Variants in CABLES1 observed in about 807,000 individuals in gnomAD.
CABLES1 encodes the protein CDK5 and ABL1 enzyme substrate 1.
Under a neutral mutation model 57.8 loss-of-function variants are expected in CABLES1, and 36 were observed. The observed-to-expected ratio is 0.62, with a 90% CI of 0.48 to 0.82. The LOEUF (loss-of-function observed/expected upper bound fraction) is 0.82. Among genes scored for constraint, CABLES1 ranks in the 40% least tolerant of loss-of-function variants. The probability of loss-of-function intolerance (pLI) is 0.00; values close to 1 mark genes in which losing one functional copy is unlikely to be tolerated. For missense variants in CABLES1, 767 were observed against 836.6 expected (o/e 0.92, Z 1.03); for synonymous variants, 374 against 363.0 (o/e 1.03, Z -0.35).
intron 4 of CABLES1, among the ~76,000 whole-genome samples, chr18:23,222,542 CTATA>C (rs1568074406): frequency 1.4e-5 from 2 of 147,832 alleles, no homozygotes; most frequent in Non-Finnish European, 1.5e-5. Context: ...GTCTCTCTCT[CTATA>C]TATATCTATA....
intron 1 of CABLES1, among the ~76,000 whole-genome samples, chr18:23,139,079 A>G (rs1269759702): frequency 1.3e-5 from 2 of 152,050 alleles, no homozygotes; most frequent in African/African-American, 2.4e-5. Context: ...GGTTTTATAT[A>G]TTGGGTTTGT....
chr18:23,234,777 GC>G, intron 5 of CABLES1, 73 bp downstream of exon 5: 1 of 1,186,570 alleles, frequency 8.4e-7, no homozygotes, highest in Non-Finnish European at 1.2e-6. Flanking sequence ...GAGGGGGGCA[GC>G]CCACAAGCCT....
At chr18:23,172,174 C>T (rs1297233292) in intron 1 of CABLES1, among the ~76,000 whole-genome samples, 1 of 152,116 alleles carries the variant, frequency 6.6e-6, no homozygotes, top group African/African-American at 2.4e-5. Context: ...TCTGTGACAC[C>T]TAGGACTGAA....
In CABLES1 at chr18:23,218,258, A is replaced by G. The variant is rs187072516; in HGVS notation, c.1088+4204A>G. ...CTCAAGCTTCCCAGCCCTGCCTCCC[A>G]CATCCTCACTTGCCCTGCCTCCCGC... On this transcript the variant is annotated intron_variant, in intron 4 of 9. Transcript: ENST00000256925. 2.9e-3 allele frequency among the ~76,000 whole-genome samples: 400 copies of G among 139,078 alleles called. 1 individual carries two copies. The highest frequency in any genetic ancestry group is 9.3e-3 in the African/African-American group (345 of 37,054). The allele number at this position is 139,078 out of a possible 152,430, so 91.2% of individuals were successfully genotyped here.
intron 3 of CABLES1, among the ~76,000 whole-genome samples, chr18:23,211,210 A>C (rs2047402380): frequency 6.6e-6 from 1 of 152,184 alleles, no homozygotes; most frequent in Admixed American, 6.5e-5. Context: ...AAATACGTCC[A>C]AACAAACTTA....
chr18:23,165,235 A>C (rs1294384038), intron 1 of CABLES1, among the ~76,000 whole-genome samples: 1 of 152,126 alleles, frequency 6.6e-6, no homozygotes, highest in Non-Finnish European at 1.5e-5. Context: ...AGTGCATGCC[A>C]CCACACCCAG....
rs546139417 is a variant in CABLES1, at chr18:23,180,064, G to A, written c.846-8774G>A. ...CTTCTGAGTAGCTGGGACTACAGGC[G>A]CCCGCCACCACGCCCGGCTAATTTT... On this transcript the variant is annotated intron_variant, in intron 1 of 9. Coordinates refer to ENST00000256925, the MANE Select transcript of CABLES1 (RefSeq NM_001100619.3). Among the ~76,000 whole-genome samples the A allele has an allele frequency of 5.7e-4, 86 of 152,034 alleles. 1 individual carries two copies. The East Asian group carries it at 0.013, about 24-fold the overall frequency.
Position 23,136,051 on chromosome 18 carries a change from G to T in CABLES1, c.289G>T (p.Gly97Cys). Residue 97 changes from glycine (G) to cysteine (C), a missense_variant, in exon 1 of 10, where the codon GGC becomes TGC. Transcript: ENST00000256925. ...CGAGGAGGGCGGCGCGGCCAAGCCGGGCGCCGGCGGCGCCTGCGGCGCGAG... is the reference window on the plus strand; with the variant it reads ...CGAGGAGGGCGGCGCGGCCAAGCCGTGCGCCGGCGGCGCCTGCGGCGCGAG... ...GGEEGGAAKP[G>C]AGGACGARTR... The T allele has an allele frequency of 1.4e-6, 1 of 698,904 alleles. No individual in the cohort carries two copies. The highest frequency in any genetic ancestry group is 1.7e-6 in the Non-Finnish European group (1 of 582,250). 43.3% of individuals were successfully genotyped at this position (698,904 alleles called of 1,614,324 possible).
At chr18:23,245,193 T>C (rs1253913608) in intron 7 of CABLES1, among the ~76,000 whole-genome samples, 1 of 152,108 alleles carries the variant, frequency 6.6e-6, no homozygotes, top group African/African-American at 2.4e-5. Flanking sequence ...TCATGACAAG[T>C]CAAGACTTTG....
intron 1 of CABLES1, among the ~76,000 whole-genome samples, chr18:23,142,687 T>C (rs2046865157): frequency 6.6e-6 from 1 of 152,176 alleles, no homozygotes; most frequent in Non-Finnish European, 1.5e-5. Context: ...GTCCTACTCA[T>C]GGGAGATGGA....
upstream of CABLES1, among the ~76,000 whole-genome samples, chr18:23,135,295 C>T (rs1291338263): frequency 3.3e-5 from 5 of 152,210 alleles, no homozygotes; most frequent in Non-Finnish European, 5.9e-5. Context: ...GCTCGGCTCT[C>T]GCGTCCTCCT....
At chr18:23,229,027 C>T (rs959265487) in intron 4 of CABLES1, among the ~76,000 whole-genome samples, 19 of 152,176 alleles carry the variant, frequency 1.2e-4, no homozygotes, top group African/African-American at 4.6e-4. Flanking sequence ...AAAGCTGCAA[C>T]ATTTTAACCT....
At chr18:23,248,235 C>A (rs963611447) in intron 7 of CABLES1, among the ~76,000 whole-genome samples, 6 of 152,222 alleles carry the variant, frequency 3.9e-5, no homozygotes, top group Non-Finnish European at 7.3e-5. Context: ...CGGATATCGT[C>A]AGTGCCTTTA....
At position 23,160,597 on chromosome 18, in the gene CABLES1, G is replaced by A. The variant is rs58003560; in HGVS notation, c.845+23990G>A. ...AAGCCTGGCCTGGTGGGAGGTGATC[G>A]TGGTCATTCTCCCCTAAACTGTTCC... On this transcript the variant is annotated intron_variant, in intron 1 of 9. Transcript: ENST00000256925. 9.1e-3 allele frequency among the ~76,000 whole-genome samples: 1,382 copies of A among 152,290 alleles called. 24 individuals are homozygous for A. Among genetic ancestry groups the A allele is most frequent in the African/African-American group, 0.031 (1,285 of 41,544 alleles).
chr18:23,156,785 A>G (rs967235113), intron 1 of CABLES1, among the ~76,000 whole-genome samples: 4 of 152,178 alleles, frequency 2.6e-5, no homozygotes, highest in Non-Finnish European at 5.9e-5. Context: ...CTTCTTGAAC[A>G]TGTTTTTTCT....
intron 8 of CABLES1, 76 bp downstream of exon 8, chr18:23,253,142 C>T: frequency 1.2e-6 from 1 of 814,844 alleles, no homozygotes; most frequent in Non-Finnish European, 2.1e-6. Context: ...TGTCATCTGT[C>T]CAGTGGTCCT....
At chr18:23,206,441 CT>C (rs1446157509) in intron 3 of CABLES1, among the ~76,000 whole-genome samples, 5 of 152,264 alleles carry the variant, frequency 3.3e-5, no homozygotes, top group Non-Finnish European at 7.3e-5. Flanking sequence ...TCCTACACAG[CT>C]TAGATGTTGT....
chr18:23,141,470 C>T (rs921847160), intron 1 of CABLES1, among the ~76,000 whole-genome samples: 10 of 152,202 alleles, frequency 6.6e-5, no homozygotes, highest in Non-Finnish European at 1.5e-4. Flanking sequence ...GTGTGTGTGC[C>T]CCAGCTGTGA....
intron 1 of CABLES1, among the ~76,000 whole-genome samples, chr18:23,160,526 T>G (rs1389326056): frequency 6.6e-6 from 1 of 152,176 alleles, no homozygotes; most frequent in Non-Finnish European, 1.5e-5. Flanking sequence ...GGTCCCTTCC[T>G]GAAGGGACCT....
Sources: gnomAD v4.1 joint callset for allele counts (sites outside exome capture counted in the v4.1 genomes callset) on GRCh38, gnomAD v4.1.1 for gene constraint, MANE v1.5 for transcripts, NCBI Gene and HGNC (gene_info 2026-07-23, HGNC 2026-07-21) for gene names.